Variants in LHCGR observed in about 807,000 individuals in gnomAD.
LHCGR encodes the protein luteinizing hormone/choriogonadotropin receptor.
LHCGR carries 55 observed loss-of-function variants against 60.7 expected under a neutral mutation model. That is an observed-to-expected ratio of 0.91 (90% confidence interval 0.73 to 1.13). LHCGR has a LOEUF of 1.13. LHCGR is among the 50% of genes most tolerant of loss of function. LHCGR has a pLI of 0.00. For synonymous variants in LHCGR, 337 were observed against 316.5 expected, an observed-to-expected ratio of 1.06 and a Z score of -0.69; for missense variants, 862 against 836.0, an observed-to-expected ratio of 1.03 and a Z score of -0.38.
rs1490515410 is a variant in LHCGR, at chr2:48,744,431, C to G, written c.161+11080G>C. On this transcript the variant is annotated intron_variant, in intron 1 of 10. Transcript: ENST00000294954. ...AACAAAGCTGGAGGCATCACACTAC[C>G]TGACTTCAAACTATACTACAAGGCT... Among the ~76,000 whole-genome samples, 158 of 90,950 alleles carry G rather than the reference C, an allele frequency of 1.7e-3. 1 individual carries two copies. Among genetic ancestry groups the G allele is most frequent in the African/African-American group, 7.2e-3 (153 of 21,282 alleles). The allele number at this position is 90,950 out of a possible 152,430, so 59.7% of individuals were successfully genotyped here.
At chr2:48,697,450 C>A (rs951504325) in intron 9 of LHCGR, among the ~76,000 whole-genome samples, 2 of 152,218 alleles carry the variant, frequency 1.3e-5, no homozygotes, top group African/African-American at 4.8e-5. Context: ...CAGGCTTTCA[C>A]ACAGTATTTG....
At chr2:48,755,397 G>T (rs543470707) in intron 1 of LHCGR, 114 bp downstream of exon 1, 2 of 707,994 alleles carry the variant, frequency 2.8e-6, no homozygotes, top group East Asian at 5.6e-5. Context: ...AGGGCAAAGC[G>T]TTTTTCTCCA....
At chr2:48,738,168 G>A (rs750337593) in intron 1 of LHCGR, among the ~76,000 whole-genome samples, 1 of 152,164 alleles carries the variant, frequency 6.6e-6, no homozygotes, top group East Asian at 1.9e-4. Context: ...TGAAGCTTTG[G>A]AGCCTACCAG....
At chr2:48,694,344 G>T in intron 9 of LHCGR, 40 bp from the exon 10 acceptor site, 1 of 1,270,240 alleles carries the variant, frequency 7.9e-7, no homozygotes, top group South Asian at 1.2e-5. Flanking sequence ...TGAGCTTTTG[G>T]ACTTCAGGCT....
chr2:48,700,656 G>A (rs1667362740), intron 8 of LHCGR, among the ~76,000 whole-genome samples: 1 of 152,186 alleles, frequency 6.6e-6, no homozygotes, highest in South Asian at 2.1e-4. Context: ...TCTGCCTACA[G>A]GATGTGCTAA....
At chr2:48,727,802 G>A (rs886229292) in intron 3 of LHCGR, among the ~76,000 whole-genome samples, 39 of 152,194 alleles carry the variant, frequency 2.6e-4, no homozygotes, top group African/African-American at 8.2e-4. Flanking sequence ...TATCTCTTCT[G>A]TATTCCAACA....
chr2:48,726,850 T>A (rs1195291408), intron 3 of LHCGR, among the ~76,000 whole-genome samples: 1 of 152,172 alleles, frequency 6.6e-6, no homozygotes, highest in Non-Finnish European at 1.5e-5. Context: ...TTAACAATAG[T>A]TATAATAGTT....
intron 1 of LHCGR, 106 bp downstream of exon 1, chr2:48,755,405 C>G: frequency 1.3e-6 from 1 of 752,466 alleles, no homozygotes; most frequent in Non-Finnish European, 2.1e-6. Context: ...GCGTTTTTCT[C>G]CAAGCTTCCA....
chr2:48,716,189 A>G (rs1471956364), intron 6 of LHCGR, among the ~76,000 whole-genome samples: 1 of 152,152 alleles, frequency 6.6e-6, no homozygotes, highest in Admixed American at 6.5e-5. Flanking sequence ...GCTTCCAGCA[A>G]CCCTGCAAAG....
At position 48,708,668 on chromosome 2, in the gene LHCGR, C is replaced by T. The variant is rs144406415; in HGVS notation, c.680+280G>A. ...AGCTAGGAGAGGCCTGGAATAGATG[C>T]TTTCTTCACAGCCCTCAGAGGGAGC... On this transcript the variant is annotated intron_variant, in intron 8 of 10. Coordinates refer to ENST00000294954, the MANE Select transcript of LHCGR (RefSeq NM_000233.4). The T allele has an allele frequency of 1.8e-4, 102 of 553,726 alleles. 2 individuals are homozygous for T. Among genetic ancestry groups the T allele is most frequent in the African/African-American group, 1.7e-3 (89 of 52,948 alleles). The allele number at this position is 553,726 out of a possible 1,614,324, so 34.3% of individuals were successfully genotyped here. A position where few individuals can be genotyped will look rare whatever the true frequency, so the allele number is the denominator to read the frequency against.
Position 48,687,204 on chromosome 2 carries a change from A to C in LHCGR, c.*493T>G, listed in dbSNP as rs532113508. Reference sequence around the variant, plus strand: ...TGAAACGTGGCTAGTGCAACTGAGAAACTACATTTCTCATTTTATTTAATT... The same window carrying C: ...TGAAACGTGGCTAGTGCAACTGAGACACTACATTTCTCATTTTATTTAATT... On this transcript the variant is annotated 3_prime_UTR_variant, in exon 11 of 11. Coordinates refer to ENST00000294954, the MANE Select transcript of LHCGR (RefSeq NM_000233.4). 1.3e-5 allele frequency: 2 copies of C among 159,878 alleles called. No individual in the cohort carries two copies. Among genetic ancestry groups the C allele is most frequent in the South Asian group, 3.6e-4 (2 of 5,608 alleles). The allele number at this position is 159,878 out of a possible 1,614,324, so 9.9% of individuals were successfully genotyped here. A position where few individuals can be genotyped will look rare whatever the true frequency, so the allele number is the denominator to read the frequency against.
chr2:48,733,254 T>A (rs563652392), intron 1 of LHCGR: 3 of 192,976 alleles, frequency 1.6e-5, no homozygotes, highest in African/African-American at 7.1e-5. Flanking sequence ...TGTTTATTCA[T>A]GCAAATGGAG....
chr2:48,701,872 G>C (rs1182700725), intron 8 of LHCGR, among the ~76,000 whole-genome samples: 1 of 152,144 alleles, frequency 6.6e-6, no homozygotes, highest in Non-Finnish European at 1.5e-5. Context: ...CATTTTTCTA[G>C]AACTTTTCTC....
intron 1 of LHCGR, among the ~76,000 whole-genome samples, chr2:48,751,409 G>A (rs1351556956): frequency 6.6e-6 from 1 of 152,034 alleles, no homozygotes; most frequent in Non-Finnish European, 1.5e-5. Context: ...TTAACCTGTG[G>A]TTCTTCCACC....
At chr2:48,720,969 A>G (rs1188798452) in intron 6 of LHCGR, 2 of 152,244 alleles carry the variant, frequency 1.3e-5, no homozygotes, top group Non-Finnish European at 2.9e-5. Context: ...TACTGATTCC[A>G]TGAGGTCTAA....
intron 8 of LHCGR, among the ~76,000 whole-genome samples, chr2:48,706,037 G>T (rs1418013366): frequency 6.6e-6 from 1 of 152,184 alleles, no homozygotes; most frequent in African/African-American, 2.4e-5. Flanking sequence ...GGCACTGGTT[G>T]TTCCTTTCCA....
rs542636899 is a variant in LHCGR at position 48,742,282 on chromosome 2, A to G, written c.162-10984T>C. 1.1e-4 allele frequency among the ~76,000 whole-genome samples: 16 copies of G among 152,290 alleles called. No homozygotes were observed. The South Asian group carries it at 2.1e-3, about 20-fold the overall frequency. ...CCCACTGTCAACATTAGACAGATCA[A>G]TGAGACAGAAAGTCAGCAAGGATGC... On this transcript the variant is annotated intron_variant, in intron 1 of 10. Transcript: ENST00000294954.
intron 4 of LHCGR, among the ~76,000 whole-genome samples, chr2:48,725,258 A>G (rs994313836): frequency 6.6e-6 from 1 of 152,228 alleles, no homozygotes; most frequent in Non-Finnish European, 1.5e-5. Flanking sequence ...AATGAAAAAA[A>G]TGAGATAAAG....
Position 48,725,764 on chromosome 2 carries a change from G to C in LHCGR, c.309-14C>G. 1 of 1,595,084 alleles carries C rather than the reference G, an allele frequency of 6.3e-7. No individual in the cohort carries two copies. The highest frequency in any genetic ancestry group is 8.6e-7 in the Non-Finnish European group (1 of 1,163,732). ...TTCTGGATCAGTCTGTAAAGAGAGA[G>C]GGAAAAAAAAAGCTGCTGTTTAATA... On this transcript the variant is annotated splice_polypyrimidine_tract_variant and intron_variant, in intron 3 of 10. Transcript: ENST00000294954.
Sources: gnomAD v4.1 joint callset for allele counts (sites outside exome capture counted in the v4.1 genomes callset) on GRCh38, gnomAD v4.1.1 for gene constraint, MANE v1.5 for transcripts, NCBI Gene and HGNC (gene_info 2026-07-23, HGNC 2026-07-21) for gene names.